Variants in NDUFS7 observed in about 807,000 individuals in gnomAD.
NDUFS7 encodes the protein NADH:ubiquinone oxidoreductase core subunit S7, also known as NADH dehydrogenase [ubiquinone] iron-sulfur protein 7, mitochondrial.
A neutral mutation model predicts 31.1 loss-of-function variants in NDUFS7; 11 were observed. The ratio of observed to expected loss-of-function variants is 0.35; its 90% confidence interval spans 0.22 to 0.59. The LOEUF is 0.59. NDUFS7 is among the 20% of genes least tolerant of loss of function. The pLI, the probability that NDUFS7 is intolerant of heterozygous loss-of-function variation, is 0.79. For synonymous variants in NDUFS7, 136 were observed against 127.9 expected (o/e 1.06, Z -0.43); for missense variants, 263 against 324.2 (o/e 0.81, Z 1.45).
chr19:1,388,775 G>C, intron 3 of NDUFS7, 58 bp from the exon 4 acceptor site: 1 of 1,528,470 alleles, frequency 6.5e-7, no homozygotes, highest in Non-Finnish European at 8.9e-7. Context: ...GCTCGCATCC[G>C]CCTCTGGGAA....
At position 1,393,150 on chromosome 19, in the gene NDUFS7, T is replaced by C. The variant is rs140840547; in HGVS notation, c.456-92T>C. 6,883 of 1,029,354 alleles carry C rather than the reference T, an allele frequency of 6.7e-3. 182 individuals carry two copies. The highest frequency in any genetic ancestry group is 0.05 in the South Asian group (3,629 of 73,258). The allele number at this position is 1,029,354 out of a possible 1,614,324, so 63.8% of individuals were successfully genotyped here. A position where few individuals can be genotyped will look rare whatever the true frequency, so the allele number is the denominator to read the frequency against. On this transcript the variant is annotated intron_variant, in intron 6 of 7. Transcript: ENST00000233627. This position sits in a 1 kb window ranked among gnomAD's most constrained non-coding sequence, Gnocchi z 7.3. ...AGCCTCGTAGGTGCCTGGCCTGCAG[T>C]TGAAGGCGGGTGGGGATGGGGCGAG...
intron 7 of NDUFS7, chr19:1,394,089 G>C (rs1224232582): frequency 3.0e-6 from 1 of 328,328 alleles, no homozygotes; most frequent in Non-Finnish European, 6.0e-6. Flanking sequence ...TGCGGCATTA[G>C]CTCATGCGCA....
chr19:1,390,964 G>C lies in NDUFS7; in HGVS notation c.322G>C (p.Val108Leu). 1 of 1,612,258 alleles carries C rather than the reference G, an allele frequency of 6.2e-7. No individual in the cohort carries two copies. The highest frequency in any genetic ancestry group is 1.1e-5 in the South Asian group (1 of 91,080). Residue 108 changes from valine to leucine, a missense_variant, in exon 5 of 8, where the codon GTG becomes CTG. Val to Leu is a conservative substitution (Grantham distance 32). Transcript: ENST00000233627. Reference protein sequence around the residue: ...APRYDMDRFGVVFRASPRQSD... With the variant: ...APRYDMDRFGLVFRASPRQSD... ...CCGCTACGACATGGACCGCTTTGGC[G>C]TGGTCTTCCGCGCCAGCCCGCGCCA...
intron 7 of NDUFS7, chr19:1,394,714 C>T (rs941488619): frequency 1.7e-6 from 2 of 1,199,956 alleles, no homozygotes; most frequent in African/African-American, 3.2e-5. Context: ...GCTTCTCCCT[C>T]CCTTGGAGCA....
intron 7 of NDUFS7, chr19:1,394,532 G>T: frequency 8.1e-7 from 1 of 1,238,484 alleles, no homozygotes; most frequent in Non-Finnish European, 1.0e-6. Flanking sequence ...CCCTCCCTGC[G>T]GACCGCGCTC....
chr19:1,389,447 T>C (rs1451114679), intron 4 of NDUFS7: 2 of 457,732 alleles, frequency 4.4e-6, no homozygotes, highest in Admixed American at 4.7e-5. Context: ...GGGCGGACCC[T>C]CCCGGAGGCC....
At chr19:1,389,204 CGCTT>C (rs968803949) in intron 4 of NDUFS7, 40 of 687,356 alleles carry the variant, frequency 5.8e-5, no homozygotes, top group Non-Finnish European at 9.0e-5. Flanking sequence ...TGTGCACACA[CGCTT>C]GCACACATAC....
At position 1,389,100 on chromosome 19, in the gene NDUFS7, T is replaced by G. The variant is rs1471215427; in HGVS notation, c.228+162T>G. 6.8e-6 allele frequency: 5 copies of G among 731,696 alleles called. No homozygotes were observed. In the East Asian group the frequency reaches 1.3e-4, roughly 20 times the overall value. 45.3% of individuals were successfully genotyped at this position (731,696 alleles called of 1,614,324 possible). A position where few individuals can be genotyped will look rare whatever the true frequency, so the allele number is the denominator to read the frequency against. ...ATGCAAGCTCACATGTATGGACAGATGTGTACACGGACCACACGCACACTC... is the reference window on the plus strand; with the variant it reads ...ATGCAAGCTCACATGTATGGACAGAGGTGTACACGGACCACACGCACACTC... On this transcript the variant is annotated intron_variant, in intron 4 of 7. Coordinates refer to ENST00000233627, the MANE Select transcript of NDUFS7 (RefSeq NM_024407.5).
At chr19:1,392,168 T>G (rs2082562149) in intron 6 of NDUFS7, 1 of 151,984 alleles carries the variant, frequency 6.6e-6, no homozygotes, top group Admixed American at 6.6e-5. Context: ...TTTTTATTTT[T>G]TAGAGACAGA....
Position 1,391,141 on chromosome 19 carries a change from C to T in NDUFS7, c.431C>T (p.Pro144Leu), listed in dbSNP as rs1368390410. 13 of 1,612,776 alleles carry T rather than the reference C, an allele frequency of 8.1e-6. No homozygotes were observed. The East Asian group carries it at 8.9e-5, about 11-fold the overall frequency. ...CAGGTCTACGACCAGATGCCGGAGC[C>T]GCGCTACGTGGTCTCCATGGGGAGG... ...LRKVYDQMPE[P>L]RYVVSMGSCA... The change falls in exon 6 of 8, where the codon CCG becomes CTG. Residue 144 changes from proline to leucine, a missense_variant. Transcript: ENST00000233627.
chr19:1,389,188 A>C (rs1188681520), intron 4 of NDUFS7: 6 of 689,758 alleles, frequency 8.7e-6, no homozygotes, highest in Non-Finnish European at 1.6e-5. Flanking sequence ...TGCACACACA[A>C]GCACATGTGC....
intron 1 of NDUFS7, among the ~76,000 whole-genome samples, chr19:1,385,761 G>A (rs1393930654): frequency 2.0e-5 from 3 of 152,194 alleles, no homozygotes; most frequent in Non-Finnish European, 2.9e-5. Flanking sequence ...GGAGGTTGCA[G>A]TGAGCCAAGA....
Position 1,388,189 on chromosome 19 carries a change from C to T in NDUFS7, c.54-336C>T, listed in dbSNP as rs1199852842. ...CTGCAGACCCAGGTGACTGACAGGG[C>T]GGTGAGGGCGCATGCCCAGGGATCT... On this transcript the variant is annotated intron_variant, in intron 2 of 7. Coordinates refer to ENST00000233627, the MANE Select transcript of NDUFS7 (RefSeq NM_024407.5). The T allele has an allele frequency of 5.8e-5, 34 of 585,768 alleles. No individual in the cohort carries two copies. In the South Asian group the frequency reaches 6.0e-4, roughly 10 times the overall value. 36.3% of individuals were successfully genotyped at this position (585,768 alleles called of 1,614,324 possible).
intron 4 of NDUFS7, chr19:1,389,883 GTTCTTTTCTTT>G (rs1032750490): frequency 1.8e-4 from 39 of 212,770 alleles, no homozygotes; most frequent in Non-Finnish European, 3.2e-4. Context: ...ATGCAGGATA[GTTCTTTTCTTT>G]TTCTTTTCTT....
intron 4 of NDUFS7, chr19:1,390,589 G>T: frequency 1.8e-6 from 1 of 561,252 alleles, no homozygotes; most frequent in South Asian, 2.1e-5. Flanking sequence ...GGAGCCCCCT[G>T]TTGAAATGGT....
At chr19:1,384,518 G>C (rs2082495175) in intron 1 of NDUFS7, among the ~76,000 whole-genome samples, 1 of 152,334 alleles carries the variant, frequency 6.6e-6, no homozygotes, top group East Asian at 1.9e-4. Flanking sequence ...TAAATGCATG[G>C]AATAAAATCC....
At chr19:1,387,314 C>T (rs898281078) in intron 1 of NDUFS7, among the ~76,000 whole-genome samples, 2 of 152,248 alleles carry the variant, frequency 1.3e-5, no homozygotes, top group African/African-American at 4.8e-5. Flanking sequence ...GTGGCAGGCA[C>T]CCCACAAGCA....
Position 1,388,954 on chromosome 19 carries a change from T to G in NDUFS7, c.228+16T>G. On this transcript the variant is annotated intron_variant, in intron 4 of 7. Transcript: ENST00000233627. ...GGCCCGCCGGGTGAGTACTATGAGC[T>G]GTAGGCCCTCCTCGAGCGCCAGGGC... 1 of 1,592,426 alleles carries G rather than the reference T, an allele frequency of 6.3e-7. No individual in the cohort carries two copies. The highest frequency in any genetic ancestry group is 8.6e-7 in the Non-Finnish European group (1 of 1,168,666).
intron 1 of NDUFS7, among the ~76,000 whole-genome samples, chr19:1,386,150 G>T (rs1448012122): frequency 6.6e-6 from 1 of 152,200 alleles, no homozygotes; most frequent in Non-Finnish European, 1.5e-5. Flanking sequence ...GCAGGAGAAG[G>T]CCCCATGGAT....
Sources: allele counts gnomAD v4.1 joint callset (sites outside exome capture counted in the v4.1 genomes callset), GRCh38; gene constraint gnomAD v4.1.1; non-coding constraint Gnocchi (gnomAD v3.1); transcripts MANE v1.5; gene names NCBI Gene and HGNC (gene_info 2026-07-23, HGNC 2026-07-21).